Variants in NOS1AP observed in about 807,000 individuals in gnomAD.
The protein encoded by NOS1AP is carboxyl-terminal PDZ ligand of neuronal nitric oxide synthase protein.
NOS1AP carries 21 observed loss-of-function variants against 56.2 expected under a neutral mutation model. The ratio of observed to expected loss-of-function variants is 0.37; its 90% CI spans 0.26 to 0.54. The LOEUF is 0.54. Among genes scored for constraint, NOS1AP ranks in the 20% least tolerant of loss-of-function variants. The pLI is 0.84. For synonymous variants in NOS1AP, 270 were observed against 274.6 expected, an observed-to-expected ratio of 0.98 and a Z score of 0.17; for missense variants, 522 against 657.8, an observed-to-expected ratio of 0.79 and a Z score of 2.26.
intron 3 of NOS1AP, among the ~76,000 whole-genome samples, chr1:162,290,786 C>T (rs1655262429): frequency 6.6e-6 from 1 of 152,162 alleles, no homozygotes; most frequent in African/African-American, 2.4e-5. Flanking sequence ...CTGGGAGGGA[C>T]CCTCACCCCA....
chr1:162,180,401 C>T (rs866196083), intron 2 of NOS1AP, among the ~76,000 whole-genome samples: 21 of 152,114 alleles, frequency 1.4e-4, no homozygotes, highest in Admixed American at 5.9e-4. Context: ...CCCGCCACCA[C>T]GGCCAGCTAA....
intron 2 of NOS1AP, among the ~76,000 whole-genome samples, chr1:162,192,596 C>T (rs941982946): frequency 6.6e-6 from 1 of 152,158 alleles, no homozygotes; most frequent in African/African-American, 2.4e-5. Flanking sequence ...TTGGGCAAGG[C>T]CACTTTTCCC....
chr1:162,325,438 A>G (rs1656553448), intron 4 of NOS1AP, among the ~76,000 whole-genome samples: 2 of 152,138 alleles, frequency 1.3e-5, no homozygotes, highest in South Asian at 2.1e-4. Flanking sequence ...CATTCTTCCT[A>G]TAGTGTCTGG....
intron 1 of NOS1AP, among the ~76,000 whole-genome samples, chr1:162,086,894 A>G (rs1692014931): frequency 6.6e-6 from 1 of 152,130 alleles, no homozygotes; most frequent in South Asian, 2.1e-4. Context: ...AGTTGTAGGC[A>G]TAGGATGCAT....
At chr1:162,217,119 T>C (rs1252897318) in intron 2 of NOS1AP, among the ~76,000 whole-genome samples, 1 of 151,986 alleles carries the variant, frequency 6.6e-6, no homozygotes, top group Non-Finnish European at 1.5e-5. Flanking sequence ...ACCTAGGTAC[T>C]TCTATGTTTC....
chr1:162,133,356 G>T (rs1158324688), intron 1 of NOS1AP, among the ~76,000 whole-genome samples: 1 of 152,012 alleles, frequency 6.6e-6, no homozygotes, highest in African/African-American at 2.4e-5. Flanking sequence ...ATTGATTCTT[G>T]CCTAGGACCA....
chr1:162,364,812 G>A (rs1658014601), intron 8 of NOS1AP: 2 of 988,098 alleles, frequency 2.0e-6, no homozygotes, highest in Non-Finnish European at 2.4e-6. Context: ...CTTGATGACA[G>A]CTGCCTCACT....
chr1:162,266,152 T>C (rs561179101), intron 2 of NOS1AP, among the ~76,000 whole-genome samples: 17 of 152,280 alleles, frequency 1.1e-4, no homozygotes, highest in Admixed American at 7.2e-4. Flanking sequence ...AACGAAGTTA[T>C]TCTGGGTGGT....
intron 4 of NOS1AP, among the ~76,000 whole-genome samples, chr1:162,319,673 C>T (rs893479055): frequency 6.6e-6 from 1 of 152,182 alleles, no homozygotes; most frequent in Non-Finnish European, 1.5e-5. Context: ...TCCCCACTGT[C>T]CTCAGTGCCC....
At chr1:162,362,819 A>C (rs1264367027) in intron 8 of NOS1AP, among the ~76,000 whole-genome samples, 1 of 152,226 alleles carries the variant, frequency 6.6e-6, no homozygotes, top group African/African-American at 2.4e-5. Context: ...GGGGACCCCC[A>C]GCTGAAATTT....
At chr1:162,357,879 C>T (rs1657753434) in intron 8 of NOS1AP, among the ~76,000 whole-genome samples, 3 of 151,952 alleles carry the variant, frequency 2.0e-5, no homozygotes, top group Admixed American at 6.5e-5. Flanking sequence ...CGCTGTAGTC[C>T]ACATCTTTCT....
At position 162,086,807 on chromosome 1, in the gene NOS1AP, G is replaced by A. The variant is rs548965123; in HGVS notation, c.105+16525G>A. ...TCCCAGCCATTCCCTTGACAGGATG[G>A]TAAAGAGGTTTATGGTGTGGGTCTC... On this transcript the variant is annotated intron_variant, in intron 1 of 9. Coordinates refer to ENST00000361897, the MANE Select transcript of NOS1AP (RefSeq NM_014697.3). Among the ~76,000 whole-genome samples the A allele has an allele frequency of 5.9e-5, 9 of 152,274 alleles. No homozygotes were observed. The South Asian group carries it at 1.7e-3, about 28-fold the overall frequency.
intron 6 of NOS1AP, among the ~76,000 whole-genome samples, chr1:162,347,113 G>C (rs1003464931): frequency 1.3e-5 from 2 of 152,228 alleles, no homozygotes; most frequent in African/African-American, 4.8e-5. Flanking sequence ...ACCTCTAGCT[G>C]GTTGCTTGGC....
intron 2 of NOS1AP, among the ~76,000 whole-genome samples, chr1:162,218,624 C>A (rs1229704718): frequency 1.3e-5 from 2 of 152,128 alleles, no homozygotes; most frequent in African/African-American, 4.8e-5. Flanking sequence ...TCACACATGT[C>A]GTTTGCTGGT....
intron 4 of NOS1AP, among the ~76,000 whole-genome samples, chr1:162,332,231 C>G (rs1014454056): frequency 6.6e-6 from 1 of 152,206 alleles, no homozygotes; most frequent in Non-Finnish European, 1.5e-5. Flanking sequence ...CAGTGACTGT[C>G]TCCCTTACCC....
intron 1 of NOS1AP, among the ~76,000 whole-genome samples, chr1:162,103,645 G>C (rs1193872490): frequency 1.3e-5 from 2 of 152,132 alleles, no homozygotes; most frequent in Non-Finnish European, 2.9e-5. Flanking sequence ...ATTTAGGATA[G>C]TTATCCCTTG....
chr1:162,248,670 G>T (rs1653752292), intron 2 of NOS1AP, among the ~76,000 whole-genome samples: 1 of 152,110 alleles, frequency 6.6e-6, no homozygotes, highest in African/African-American at 2.4e-5. Flanking sequence ...TGTTTCTCTA[G>T]AGATCCTAAT....
At chr1:162,228,193 T>A (rs1653004137) in intron 2 of NOS1AP, among the ~76,000 whole-genome samples, 1 of 152,216 alleles carries the variant, frequency 6.6e-6, no homozygotes, top group African/African-American at 2.4e-5. Context: ...GAGGTTAGAT[T>A]GAGAAGCTCT....
Position 162,367,300 on chromosome 1 carries a change from C to T in NOS1AP, c.1354C>T (p.Leu452=). 1.9e-6 allele frequency: 3 copies of T among 1,613,474 alleles called. No homozygotes were observed. Among genetic ancestry groups the T allele is most frequent in the Non-Finnish European group, 2.5e-6 (3 of 1,179,946 alleles). ...GCAGGGCGAGGCGCTCCTGGGCGGT[C>T]TGGAGCTCATCAAGTTCCGAGAGTC... ...PAQGEALLGG[L]ELIKFRESGI... is the part of the protein sequence containing the mutation. The change falls in exon 10 of 10, where the codon CTG becomes TTG. Residue 452 remains leucine (L), a synonymous_variant. Transcript: ENST00000361897. This position sits in a 1 kb window ranked among gnomAD's most constrained non-coding sequence, Gnocchi z 6.5.
Sources: allele counts gnomAD v4.1 joint callset (sites outside exome capture counted in the v4.1 genomes callset), GRCh38; gene constraint gnomAD v4.1.1; non-coding constraint Gnocchi (gnomAD v3.1); transcripts MANE v1.5; gene names NCBI Gene and HGNC (gene_info 2026-07-23, HGNC 2026-07-21).